TINCR: variants seen among roughly 807,000 people sequenced by gnomAD.
TINCR encodes TINCR ubiquitin domain containing, also known as TINCR-encoded ubiquitin-like protein.
chr19:5,565,437 G>A lies in TINCR; in HGVS notation c.260+2228C>T, dbSNP rs189924282. On this transcript the variant is annotated intron_variant, in intron 1 of 1. Coordinates refer to ENST00000646160, the Ensembl canonical transcript of TINCR. The surrounding 1 kb of genome is among the most constrained non-coding windows in gnomAD (Gnocchi z 4.0). ...ATTTGGCTCTAGGCTCTGTGAAGGC[G>A]AAATCTGGTCTCTCTGGGTCACTGC... Among the ~76,000 whole-genome samples the A allele has an allele frequency of 4.0e-4, 61 of 152,316 alleles. No individual in the cohort carries two copies. In the East Asian group the frequency reaches 9.3e-3, roughly 23 times the overall value.
At chr19:5,566,355 G>A (rs1051462963) in intron 1 of TINCR, among the ~76,000 whole-genome samples, 4 of 151,804 alleles carry the variant, frequency 2.6e-5, no homozygotes, top group South Asian at 4.2e-4. Context: ...GACACGCAGA[G>A]AAACAGAGAG....
intron 1 of TINCR, among the ~76,000 whole-genome samples, chr19:5,566,569 GGACACAGAGACAGA>G (rs2052130490): frequency 6.8e-6 from 1 of 147,748 alleles, no homozygotes; most frequent in South Asian, 2.2e-4. Context: ...AACTGGACAG[GGACACAGAGACAGA>G]GACACAGAGA....
chr19:5,560,588 C>T (rs1165185140), downstream of TINCR: 3 of 152,392 alleles, frequency 2.0e-5, no homozygotes, highest in Admixed American at 6.5e-5. This position sits in a 1 kb window ranked among gnomAD's most constrained non-coding sequence, Gnocchi z 4.5. Flanking sequence ...TGCAATGCCC[C>T]GCGATGACCT....
chr19:5,558,762 C>T (rs1182872127), downstream of TINCR: 1 of 152,270 alleles, frequency 6.6e-6, no homozygotes. Context: ...GGCTGCTTTC[C>T]TCGGTGTGGC....
At chr19:5,567,524 G>T (rs1159478469) in intron 1 of TINCR, 141 bp downstream of exon 1, 2 of 366,212 alleles carry the variant, frequency 5.5e-6, no homozygotes, top group South Asian at 1.4e-4. Context: ...GGCCGGGTCA[G>T]GAGAGAGGCC....
intron 1 of TINCR, among the ~76,000 whole-genome samples, chr19:5,566,809 C>T (rs1466947313): frequency 1.3e-5 from 2 of 150,268 alleles, no homozygotes; most frequent in Non-Finnish European, 3.0e-5. Flanking sequence ...GACAGAGACA[C>T]ACACACAGAG....
intron 1 of TINCR, 42 bp downstream of exon 1, chr19:5,567,621 CGG>C: frequency 3.0e-6 from 1 of 337,990 alleles, no homozygotes; most frequent in Non-Finnish European, 5.3e-6. Context: ...CAGGGGTCCC[CGG>C]CCGCCGCCCC....
downstream of TINCR, chr19:5,558,625 C>T (rs1360446077): frequency 6.6e-6 from 1 of 152,294 alleles, no homozygotes; most frequent in African/African-American, 2.4e-5. Context: ...AATAGTTCCC[C>T]TTGGCCCTGT....
intron 1 of TINCR, among the ~76,000 whole-genome samples, chr19:5,564,216 C>G (rs2052116072): frequency 6.6e-6 from 1 of 152,176 alleles, no homozygotes; most frequent in Non-Finnish European, 1.5e-5. Context: ...GAGCAGCCCA[C>G]GCAGCTTCTC....
downstream of TINCR, chr19:5,559,078 C>G (rs2052086374): frequency 1.3e-5 from 2 of 152,370 alleles, no homozygotes; most frequent in African/African-American, 4.8e-5. Context: ...GCTGTCGAGG[C>G]TTAAGAAATG....
chr19:5,564,980 T>C (rs2052120808), intron 1 of TINCR, among the ~76,000 whole-genome samples: 1 of 151,870 alleles, frequency 6.6e-6, no homozygotes, highest in South Asian at 2.1e-4. Context: ...CACAGTCTGT[T>C]CTCCCCGCTG....
Position 5,565,054 on chromosome 19 carries a change from T to C in TINCR, c.261-2105A>G, listed in dbSNP as rs1421790405. On this transcript the variant is annotated intron_variant, in intron 1 of 1. Transcript: ENST00000646160. The surrounding 1 kb of genome is among the most constrained non-coding windows in gnomAD (Gnocchi z 4.0). ...TCCCTCCTCTGCCCACAGCCCTCTA[T>C]GGCTCCCACCTCCCTCGGAGTCAAG... is the stretch of plus-strand genomic sequence containing the variant. Among the ~76,000 whole-genome samples the C allele has an allele frequency of 2.0e-5, 3 of 152,246 alleles. No homozygotes were observed. In the East Asian group the frequency reaches 5.8e-4, roughly 30 times the overall value.
chr19:5,567,260 CAA>C (rs1433345803), intron 1 of TINCR, among the ~76,000 whole-genome samples: 2 of 149,860 alleles, frequency 1.3e-5, no homozygotes, highest in Non-Finnish European at 3.0e-5. Flanking sequence ...GAGACACAGA[CAA>C]AAGAGAGAGA....
intron 1 of TINCR, 119 bp downstream of exon 1, chr19:5,567,546 G>A (rs753832754): frequency 4.1e-5 from 15 of 369,026 alleles, no homozygotes; most frequent in Non-Finnish European, 6.3e-5. Context: ...GGCGGGCAGC[G>A]CGAGGTGGGA....
chr19:5,567,773 GA>G lies in TINCR; in HGVS notation c.151del (p.Ser51ProfsTer90). ...GTTGTAGTAGAAGGCGCGCTTCCAG[GA>G]GCTCACGCCCTGGCCCACCAGCTGG... On this transcript the variant is annotated frameshift_variant, in exon 1 of 2. Coordinates refer to ENST00000646160, the Ensembl canonical transcript of TINCR. LOFTEE classifies it high-confidence loss of function. The G allele has an allele frequency of 2.5e-6, 1 of 394,318 alleles. No individual in the cohort carries two copies. The highest frequency in any genetic ancestry group is 4.5e-6 in the Non-Finnish European group (1 of 223,270). 24.4% of individuals were successfully genotyped at this position (394,318 alleles called of 1,614,324 possible).
intron 1 of TINCR, among the ~76,000 whole-genome samples, chr19:5,566,033 G>A (rs1017845092): frequency 2.6e-5 from 4 of 152,128 alleles, no homozygotes; most frequent in Admixed American, 2.0e-4. Context: ...GCCAGAAGAC[G>A]CCCCACTTGA....
downstream of TINCR, chr19:5,560,166 C>T (rs578047633): frequency 1.0e-4 from 16 of 152,482 alleles, no homozygotes; most frequent in African/African-American, 3.8e-4. The surrounding 1 kb of genome is among the most constrained non-coding windows in gnomAD (Gnocchi z 4.5). Flanking sequence ...TTCTCCCCCT[C>T]CTCTCAGCCA....
chr19:5,561,552 G>A (rs927705327), downstream of TINCR: 1 of 152,274 alleles, frequency 6.6e-6, no homozygotes, highest in African/African-American at 2.4e-5. Context: ...GATGTCCCTT[G>A]TGTCCTTTAA....
intron 1 of TINCR, among the ~76,000 whole-genome samples, chr19:5,564,919 A>T (rs2052120434): frequency 6.6e-6 from 1 of 151,990 alleles, no homozygotes; most frequent in Non-Finnish European, 1.5e-5. Flanking sequence ...TGCCTCCAGC[A>T]TGGCTCACTG....
Sources: allele counts gnomAD v4.1 joint callset (sites outside exome capture counted in the v4.1 genomes callset), GRCh38; gene constraint gnomAD v4.1.1; non-coding constraint Gnocchi (gnomAD v3.1); transcripts MANE v1.5; gene names NCBI Gene and HGNC (gene_info 2026-07-23, HGNC 2026-07-21).